MAP3K3: variants seen among roughly 807,000 people sequenced by gnomAD.
MAP3K3 encodes mitogen-activated protein kinase kinase kinase 3.
MAP3K3 carries 12 observed loss-of-function variants against 80.9 expected under a neutral mutation model. The observed-to-expected ratio is 0.15, with a 90% confidence interval of 0.10 to 0.24. The LOEUF is 0.24. Among genes scored for constraint, MAP3K3 ranks in the 10% least tolerant of loss-of-function variants. MAP3K3 has a pLI of 1.00. For synonymous variants in MAP3K3, 272 were observed against 307.1 expected (o/e 0.89, Z 1.19); for missense variants, 596 against 834.7 (o/e 0.71, Z 3.52).
At chr17:63,653,489 C>G (rs145096491) in intron 4 of MAP3K3, among the ~76,000 whole-genome samples, 24 of 152,222 alleles carry the variant, frequency 1.6e-4, no homozygotes, top group African/African-American at 5.8e-4. Flanking sequence ...TCATTTAGTA[C>G]TCTTTTCTTT....
At chr17:63,630,125 A>G (rs1237910279) in intron 1 of MAP3K3, among the ~76,000 whole-genome samples, 1 of 152,214 alleles carries the variant, frequency 6.6e-6, no homozygotes, top group Non-Finnish European at 1.5e-5. Flanking sequence ...CTCCTCAGAA[A>G]ACACTTAAAC....
At position 63,692,051 on chromosome 17, in the gene MAP3K3, G is replaced by C. The variant is rs956437133; in HGVS notation, c.1474+189G>C. Among the ~76,000 whole-genome samples, 1 of 152,194 alleles carries C rather than the reference G, an allele frequency of 6.6e-6. No individual in the cohort carries two copies. The highest frequency in any genetic ancestry group is 1.5e-5 in the Non-Finnish European group (1 of 68,042). On this transcript the variant is annotated intron_variant, in intron 14 of 15. Transcript: ENST00000361733. The surrounding 1 kb of genome is among the most constrained non-coding windows in gnomAD (Gnocchi z 4.5). ...ATTGCCAAGTTCCCTCTACATGTGG[G>C]CCTTGGAGATGGTCATTTTGTGCGG...
chr17:63,667,103 C>A, intron 6 of MAP3K3, 43 bp downstream of exon 6: 1 of 1,535,246 alleles, frequency 6.5e-7, no homozygotes. Context: ...ATTTTATCTG[C>A]CCACATTTTA....
At chr17:63,648,195 G>T (rs2143309182) in intron 3 of MAP3K3, among the ~76,000 whole-genome samples, 1 of 152,340 alleles carries the variant, frequency 6.6e-6, no homozygotes, top group African/African-American at 2.4e-5. Flanking sequence ...GGAAGTCCTG[G>T]CCTCTGATCT....
intron 3 of MAP3K3, among the ~76,000 whole-genome samples, chr17:63,646,675 T>C (rs1230000108): frequency 6.6e-6 from 1 of 152,246 alleles, no homozygotes; most frequent in Non-Finnish European, 1.5e-5. Context: ...AAAACTCTTC[T>C]GTCCTTTTCT....
chr17:63,639,396 G>T (rs2034397535), intron 2 of MAP3K3, among the ~76,000 whole-genome samples: 1 of 152,366 alleles, frequency 6.6e-6, no homozygotes, highest in Middle Eastern at 3.4e-3. Context: ...GGGGGTCCCT[G>T]TGGGGAACAA....
At chr17:63,634,884 GA>G (rs1234871027) in intron 2 of MAP3K3, 1 of 1,232,760 alleles carries the variant, frequency 8.1e-7, no homozygotes, top group Non-Finnish European at 1.2e-6. Flanking sequence ...TCACTTCCCA[GA>G]CAAGTTGTTT....
chr17:63,632,398 G>A (rs2034234559), intron 1 of MAP3K3, among the ~76,000 whole-genome samples: 1 of 152,108 alleles, frequency 6.6e-6, no homozygotes, highest in African/African-American at 2.4e-5. Context: ...AGGCTGATGT[G>A]GGAAGGTCAC....
chr17:63,650,375 C>G (rs529875303), intron 3 of MAP3K3, among the ~76,000 whole-genome samples: 5 of 152,116 alleles, frequency 3.3e-5, no homozygotes, highest in Non-Finnish European at 7.4e-5. Context: ...GATCTCAGCT[C>G]ACTGCAACCT....
At chr17:63,655,220 A>G (rs533244188) in intron 4 of MAP3K3, among the ~76,000 whole-genome samples, 1 of 152,176 alleles carries the variant, frequency 6.6e-6, no homozygotes, top group African/African-American at 2.4e-5. Flanking sequence ...AAAGCCTCCT[A>G]TAAAACCATC....
chr17:63,661,116 A>G (rs1399582694), intron 5 of MAP3K3, among the ~76,000 whole-genome samples: 2 of 151,422 alleles, frequency 1.3e-5, no homozygotes, highest in Admixed American at 1.3e-4. Flanking sequence ...GTACGATCTC[A>G]GCTCATTGCA....
At chr17:63,660,470 C>G (rs1360176325) in intron 5 of MAP3K3, among the ~76,000 whole-genome samples, 1 of 152,028 alleles carries the variant, frequency 6.6e-6, no homozygotes, top group African/African-American at 2.4e-5. Context: ...GTCTCAGCCT[C>G]GCAAAGTGCT....
chr17:63,647,937 G>A (rs1480295153), intron 3 of MAP3K3, among the ~76,000 whole-genome samples: 1 of 152,230 alleles, frequency 6.6e-6, no homozygotes, highest in East Asian at 1.9e-4. Context: ...TCCATGACAG[G>A]TATTCATTCT....
chr17:63,637,629 A>G (rs1369516540), intron 2 of MAP3K3, among the ~76,000 whole-genome samples: 1 of 152,210 alleles, frequency 6.6e-6, no homozygotes, highest in Non-Finnish European at 1.5e-5. Context: ...GCTTCTAACT[A>G]CAACTGTCCA....
rs61412799 is a variant in MAP3K3, at chr17:63,650,658, TAGAGAGAGAGAGAGAGAGAG to T, written c.168-1880_168-1861del. The stretch of plus-strand genomic sequence containing the variant: ...AGACCTTCTCTCTCTCTGTCTCTTA[TAGAGAGAGAGAGAGAGAGAG>T]AGAGAGAGAGAGAGAGAGTTTTTTT... On this transcript the variant is annotated intron_variant, in intron 3 of 15. Transcript: ENST00000361733. Among the ~76,000 whole-genome samples, 1,116 of 117,278 alleles carry T rather than the reference TAGAGAGAGAGAGAGAGAGAG, an allele frequency of 9.5e-3. 23 individuals are homozygous for T. The highest frequency in any genetic ancestry group is 0.034 in the African/African-American group (1,046 of 30,392). 76.9% of individuals were successfully genotyped at this position (117,278 alleles called of 152,430 possible).
At chr17:63,664,093 A>C (rs1206178529) in intron 5 of MAP3K3, among the ~76,000 whole-genome samples, 2 of 151,508 alleles carry the variant, frequency 1.3e-5, no homozygotes, top group Non-Finnish European at 2.9e-5. Flanking sequence ...ATACAAAAAA[A>C]AAAAATAGCC....
In MAP3K3 at chr17:63,692,505, G is replaced by A; in HGVS notation, c.1652+86G>A. 7.1e-7 allele frequency: 1 copy of A among 1,407,560 alleles called. No individual in the cohort carries two copies. The highest frequency in any genetic ancestry group is 9.5e-7 in the Non-Finnish European group (1 of 1,050,374). 87.2% of individuals were successfully genotyped at this position (1,407,560 alleles called of 1,614,324 possible). On this transcript the variant is annotated intron_variant, in intron 15 of 15. Coordinates refer to ENST00000361733, the MANE Select transcript of MAP3K3 (RefSeq NM_002401.5). This position sits in a 1 kb window ranked among gnomAD's most constrained non-coding sequence, Gnocchi z 4.5. ...AAACACACCCTGGGGACTTTGTGGT[G>A]TGGCAGGAGGGAGTGTGCCCAGGGC...
At chr17:63,632,936 A>G in intron 2 of MAP3K3, 134 bp downstream of exon 2, 2 of 1,180,520 alleles carry the variant, frequency 1.7e-6, no homozygotes, top group Non-Finnish European at 1.2e-6. Flanking sequence ...AGTCTGTTAA[A>G]TGGGAAGTAA....
chr17:63,685,644 T>C, intron 8 of MAP3K3, 54 bp downstream of exon 8: 1 of 1,464,404 alleles, frequency 6.8e-7, no homozygotes, highest in Non-Finnish European at 9.6e-7. Flanking sequence ...TTGGAATTGA[T>C]GGGTTGAGGA....
Sources: gnomAD v4.1 joint callset for allele counts (sites outside exome capture counted in the v4.1 genomes callset) on GRCh38, gnomAD v4.1.1 for gene constraint, Gnocchi (gnomAD v3.1) non-coding constraint, MANE v1.5 for transcripts, NCBI Gene and HGNC (gene_info 2026-07-23, HGNC 2026-07-21) for gene names.